The following UBL3 variants were observed in gnomAD, a reference collection of about 807,000 sequenced individuals.
The protein encoded by UBL3 is ubiquitin like 3, also known as ubiquitin-like protein 3.
UBL3 carries 6 observed loss-of-function variants against 18.4 expected under a neutral mutation model. The observed-to-expected ratio is 0.33, with a 90% CI of 0.18 to 0.64. UBL3 has a LOEUF of 0.64. UBL3 is among the 30% of genes least tolerant of loss of function. The pLI, the probability that UBL3 is intolerant of heterozygous loss-of-function variation, is 0.76. For synonymous variants in UBL3, 49 were observed against 46.6 expected (o/e 1.05, Z -0.21); for missense variants, 109 against 142.9 (o/e 0.76, Z 1.21).
intron 2 of UBL3, among the ~76,000 whole-genome samples, chr13:29,773,481 A>G (rs930434926): frequency 2.2e-4 from 34 of 152,338 alleles, no homozygotes; most frequent in African/African-American, 7.9e-4. Flanking sequence ...GTTTAATAGA[A>G]TATTTCTGGT....
intron 1 of UBL3, among the ~76,000 whole-genome samples, chr13:29,780,611 A>G (rs889524796): frequency 6.6e-6 from 1 of 151,984 alleles, no homozygotes; most frequent in Non-Finnish European, 1.5e-5. Context: ...TTGCTGTGCT[A>G]TAACAGGCTA....
chr13:29,840,807 T>C (rs1593678115), intron 1 of UBL3, among the ~76,000 whole-genome samples: 1 of 152,198 alleles, frequency 6.6e-6, no homozygotes, highest in African/African-American at 2.4e-5. Context: ...TTGTTTGTAA[T>C]AGCTTCTAAA....
intron 1 of UBL3, among the ~76,000 whole-genome samples, chr13:29,784,566 G>GAA (rs199532113): frequency 2.3e-5 from 3 of 129,244 alleles, no homozygotes; most frequent in Non-Finnish European, 5.0e-5. Context: ...CAAATCTTTG[G>GAA]AAAAAAAAAA....
Position 29,784,844 on chromosome 13 carries a change from C to CAA in UBL3, c.28-7582_28-7581insTT, listed in dbSNP as rs892097806. Reference sequence around the variant, plus strand: ...AACTAAACACATACACACATGCACACACACACACACAAATAAATGCATATA... The same window carrying CAA: ...AACTAAACACATACACACATGCACACAAACACACACACAAATAAATGCATATA... On this transcript the variant is annotated intron_variant, in intron 1 of 4. Transcript: ENST00000380680. 7.2e-5 allele frequency among the ~76,000 whole-genome samples: 11 copies of CAA among 151,760 alleles called. No individual in the cohort carries two copies. The South Asian group carries it at 1.5e-3, about 20-fold the overall frequency.
chr13:29,777,522 C>G, intron 1 of UBL3: 1 of 575,002 alleles, frequency 1.7e-6, no homozygotes, highest in Non-Finnish European at 3.3e-6. Context: ...AAATTCATTA[C>G]ACTTTTAAAT....
intron 2 of UBL3, among the ~76,000 whole-genome samples, chr13:29,773,953 A>G (rs1393347619): frequency 6.6e-6 from 1 of 152,164 alleles, no homozygotes; most frequent in Non-Finnish European, 1.5e-5. Context: ...ATTAACATCA[A>G]TAAGTATTTA....
intron 1 of UBL3, among the ~76,000 whole-genome samples, chr13:29,835,172 A>C (rs1479705261): frequency 1.4e-4 from 10 of 71,302 alleles, no homozygotes; most frequent in South Asian, 4.6e-4. Flanking sequence ...ATATATATAT[A>C]TATATATATA....
intron 1 of UBL3, among the ~76,000 whole-genome samples, chr13:29,818,783 A>C (rs1264257950): frequency 6.6e-6 from 1 of 152,206 alleles, no homozygotes; most frequent in Non-Finnish European, 1.5e-5. Flanking sequence ...ACAGAATTTA[A>C]AAAGACCTTT....
chr13:29,824,231 G>C lies in UBL3; in HGVS notation c.27+25281C>G, dbSNP rs547731625. ...CCTTTGGGTATATACCCAGTAATGGGATGGCTGGGTCAAATGGTATTTCTA... is the reference window on the plus strand; with the variant it reads ...CCTTTGGGTATATACCCAGTAATGGCATGGCTGGGTCAAATGGTATTTCTA... On this transcript the variant is annotated intron_variant, in intron 1 of 4. Transcript: ENST00000380680. Among the ~76,000 whole-genome samples, 36 of 152,278 alleles carry C rather than the reference G, an allele frequency of 2.4e-4. No homozygotes were observed. In the South Asian group the frequency reaches 5.4e-3, roughly 23 times the overall value.
At chr13:29,839,769 T>C (rs1018026986) in intron 1 of UBL3, among the ~76,000 whole-genome samples, 10 of 151,790 alleles carry the variant, frequency 6.6e-5, no homozygotes, top group Non-Finnish European at 1.3e-4. Context: ...CTACTAAAAA[T>C]ACAAAAAATT....
At chr13:29,809,223 GAAT>G (rs1877975404) in intron 1 of UBL3, among the ~76,000 whole-genome samples, 1 of 152,134 alleles carries the variant, frequency 6.6e-6, no homozygotes, top group Non-Finnish European at 1.5e-5. Flanking sequence ...CAGGGTCCTA[GAAT>G]AGGGAACCTG....
intron 1 of UBL3, among the ~76,000 whole-genome samples, chr13:29,781,176 A>AAAAT (rs998947876): frequency 2.4e-4 from 37 of 152,258 alleles, no homozygotes; most frequent in East Asian, 9.6e-4. Flanking sequence ...ACTCTGCCTC[A>AAAAT]AAATAAATAA....
chr13:29,810,926 A>G (rs1878059517), intron 1 of UBL3, among the ~76,000 whole-genome samples: 1 of 152,092 alleles, frequency 6.6e-6, no homozygotes, highest in South Asian at 2.1e-4. Flanking sequence ...CCTTTACAAT[A>G]AAGACCTGGA....
chr13:29,776,440 T>A (rs947775051), intron 2 of UBL3, among the ~76,000 whole-genome samples: 1 of 151,910 alleles, frequency 6.6e-6, no homozygotes, highest in Non-Finnish European at 1.5e-5. Context: ...TTTTTAAATT[T>A]TTAGCAGTGA....
intron 1 of UBL3, among the ~76,000 whole-genome samples, chr13:29,809,686 GAA>G (rs1877988814): frequency 2.6e-5 from 4 of 152,132 alleles, no homozygotes. Flanking sequence ...TGGAGGCAGT[GAA>G]GAAGATATGT....
intron 1 of UBL3, among the ~76,000 whole-genome samples, chr13:29,809,946 T>C (rs918600625): frequency 6.6e-6 from 1 of 151,992 alleles, no homozygotes; most frequent in Non-Finnish European, 1.5e-5. Flanking sequence ...GTGTTCAGAC[T>C]GCAGAAAATT....
At chr13:29,826,386 G>A (rs965493769) in intron 1 of UBL3, among the ~76,000 whole-genome samples, 2 of 152,142 alleles carry the variant, frequency 1.3e-5, no homozygotes, top group Non-Finnish European at 2.9e-5. Flanking sequence ...CCTGTTATTG[G>A]TCTATTCAGG....
chr13:29,831,377 G>A (rs1344315225), intron 1 of UBL3, among the ~76,000 whole-genome samples: 1 of 152,080 alleles, frequency 6.6e-6, no homozygotes, highest in African/African-American at 2.4e-5. Context: ...ATCACCTGAG[G>A]TCAGGAGTTC....
intron 1 of UBL3, among the ~76,000 whole-genome samples, chr13:29,804,205 A>C (rs1237628480): frequency 6.6e-6 from 1 of 151,970 alleles, no homozygotes; most frequent in East Asian, 1.9e-4. Context: ...TGAACAACCT[A>C]CTCCTGAATG....
Sources: allele counts gnomAD v4.1 joint callset (sites outside exome capture counted in the v4.1 genomes callset), GRCh38; gene constraint gnomAD v4.1.1; transcripts MANE v1.5; gene names NCBI Gene and HGNC (gene_info 2026-07-23, HGNC 2026-07-21).